Variants in XPC observed in about 807,000 individuals in gnomAD.
XPC encodes the protein XPC complex subunit, DNA damage recognition and repair factor.
In XPC, 76 loss-of-function variants were observed where a neutral mutation model predicts 95.8. The ratio of observed to expected loss-of-function variants is 0.79; its 90% CI spans 0.66 to 0.96. The LOEUF is 0.96. XPC is among the 40% of genes least tolerant of loss of function. The pLI is 0.00. For missense variants in XPC, 1,146 were observed against 1,179.8 expected, an observed-to-expected ratio of 0.97 and a Z score of 0.42; for synonymous variants, 442 against 442.1, an observed-to-expected ratio of 1.00 and a Z score of 0.00.
At position 14,159,956 on chromosome 3, in the gene XPC, G is replaced by C. The variant is rs3731123; in HGVS notation, c.901-126C>G. The C allele has an allele frequency of 0.028, 24,115 of 859,772 alleles. 1,470 individuals carry two copies. Among genetic ancestry groups the C allele is most frequent in the East Asian group, 0.21 (7,909 of 37,012 alleles). The allele number at this position is 859,772 out of a possible 1,614,324, so 53.3% of individuals were successfully genotyped here. ...CTGGAAACAGCCAGACTGTCTAACA[G>C]TAGGCGACGGAAACTCCAGACACTG... On this transcript the variant is annotated intron_variant, in intron 7 of 15. Coordinates refer to ENST00000285021, the MANE Select transcript of XPC (RefSeq NM_004628.5).
intron 2 of XPC, among the ~76,000 whole-genome samples, chr3:14,172,204 A>T (rs1696642477): frequency 6.6e-6 from 1 of 152,204 alleles, no homozygotes; most frequent in Non-Finnish European, 1.5e-5. Context: ...TGGATGCTAC[A>T]GGGCATATGA....
At chr3:14,168,218 G>C (rs749966775) in intron 4 of XPC, 39 bp downstream of exon 4, 2 of 1,578,954 alleles carry the variant, frequency 1.3e-6, no homozygotes, top group East Asian at 2.3e-5. Context: ...GTTGCCTACT[G>C]CATGTGACAG....
intron 2 of XPC, 129 bp from the exon 3 acceptor site, chr3:14,170,679 G>T (rs1281402575): frequency 4.6e-6 from 3 of 658,804 alleles, no homozygotes; most frequent in Non-Finnish European, 7.7e-6. Context: ...AAGATGATTA[G>T]TAAGCTCTGA....
intron 1 of XPC, among the ~76,000 whole-genome samples, 173 bp from the exon 2 acceptor site, chr3:14,173,235 G>A (rs1428706949): frequency 2.0e-5 from 3 of 152,054 alleles, no homozygotes; most frequent in Non-Finnish European, 4.4e-5. Context: ...TCCCACCTGC[G>A]GCTAGTCTAT....
At chr3:14,149,007 G>C in intron 11 of XPC, 59 bp from the exon 12 acceptor site, 1 of 1,602,252 alleles carries the variant, frequency 6.2e-7, no homozygotes, top group Non-Finnish European at 8.5e-7. Flanking sequence ...TCAGCACCGG[G>C]CCAGGCACCA....
intron 11 of XPC, chr3:14,151,673 G>C (rs920874661): frequency 6.6e-6 from 1 of 152,188 alleles, no homozygotes; most frequent in African/African-American, 2.4e-5. Context: ...ACTTCCGGTC[G>C]TACGGAGCTG....
rs2125004260 is a variant in XPC at position 14,145,913 on chromosome 3, G to A, written c.*28C>T. On this transcript the variant is annotated 3_prime_UTR_variant, in exon 16 of 16. Transcript: ENST00000285021. Reference sequence around the variant, plus strand: ...GCCTGTAGTGGGGCAGCAGCAACTGGTGGGTGCCCCTCTAGTGGGCGCTCA... The same window carrying A: ...GCCTGTAGTGGGGCAGCAGCAACTGATGGGTGCCCCTCTAGTGGGCGCTCA... The A allele has an allele frequency of 1.3e-6, 2 of 1,591,462 alleles. No homozygotes were observed. Among genetic ancestry groups the A allele is most frequent in the Non-Finnish European group, 1.7e-6 (2 of 1,164,902 alleles).
Position 14,147,291 on chromosome 3 carries a change from T to A in XPC, c.2603A>T (p.Lys868Met), listed in dbSNP as rs766696712. 2.5e-6 allele frequency: 4 copies of A among 1,608,650 alleles called. No individual in the cohort carries two copies. In the East Asian group the frequency reaches 8.9e-5, roughly 36 times the overall value. Residue 868 changes from lysine (K) to methionine (M), a missense_variant and splice_region_variant, in exon 15 of 16, where the codon AAG (lysine) becomes ATG (methionine). Lys to Met is a moderately conservative substitution (Grantham distance 95, BLOSUM62 -1). Transcript: ENST00000285021. ...RERLKRRYGP[K>M]SEAAAPHTDA... ...TCTCTGCAAAGAACCTGCACTGACC[T>A]TGGGCCCGTAGCGACGCTTCAGCCT...
chr3:14,150,514 T>C (rs79096163), intron 11 of XPC, among the ~76,000 whole-genome samples: 1,545 of 152,296 alleles, frequency 0.01, 24 homozygotes, highest in African/African-American at 0.036. Flanking sequence ...ACCGTCCCTT[T>C]CTGAGAAGCC....
rs372048184 is a variant in XPC, at chr3:14,156,384, C to G, written c.1984G>C (p.Glu662Gln). ...CAATACCCAAGGATGGCAGCTGTCT[C>G]GGGATAGATGGCCTCATATTTCAGG... is the stretch of plus-strand genomic sequence containing the variant. ...HLLKYEAIYP[E>Q]TAAILGYCRG... is the part of the protein sequence containing the mutation. Residue 662 changes from glutamate to glutamine, a missense_variant, in exon 10 of 16, where the codon GAG becomes CAG. Glu to Gln is a conservative substitution (Grantham distance 29). Transcript: ENST00000285021. 1.2e-6 allele frequency: 2 copies of G among 1,613,970 alleles called. No homozygotes were observed. The highest frequency in any genetic ancestry group is 1.7e-6 in the Non-Finnish European group (2 of 1,179,886).
intron 1 of XPC, among the ~76,000 whole-genome samples, chr3:14,176,903 C>T (rs560896270): frequency 5.9e-5 from 9 of 152,326 alleles, no homozygotes; most frequent in African/African-American, 1.9e-4. Flanking sequence ...GAGTTTGAGA[C>T]CAGCCTGGCC....
chr3:14,148,096 A>T, intron 13 of XPC, 95 bp from the exon 14 acceptor site: 1 of 1,058,334 alleles, frequency 9.4e-7, no homozygotes, highest in Non-Finnish European at 1.4e-6. Context: ...GCCACATCTG[A>T]GCACTAGGGG....
chr3:14,154,341 C>T (rs1247004224), intron 10 of XPC, among the ~76,000 whole-genome samples: 3 of 152,186 alleles, frequency 2.0e-5, no homozygotes, highest in Non-Finnish European at 4.4e-5. Context: ...GAAGAGCTAT[C>T]TGCACACCCA....
intron 14 of XPC, 176 bp from the exon 15 acceptor site, chr3:14,147,555 A>G (rs1695490751): frequency 1.5e-6 from 1 of 667,238 alleles, no homozygotes; most frequent in Non-Finnish European, 2.5e-6. Flanking sequence ...GTGATATACT[A>G]TACCTGAAAG....
intron 1 of XPC, among the ~76,000 whole-genome samples, chr3:14,176,283 A>C (rs1042180923): frequency 6.6e-6 from 1 of 152,220 alleles, no homozygotes; most frequent in Non-Finnish European, 1.5e-5. Flanking sequence ...TTACATTCTG[A>C]CTAGAATACC....
rs775128799 is a variant in XPC, at chr3:14,165,570, G to C, written c.637C>G (p.Leu213Val). ...EDTHKVHLLC[L>V]LANGFYRNNI... ...TTTCGATAGAAGCCATTTGCTAGCA[G>C]GCAGAGAAGGTGAACCTGTGAAGAG... Residue 213 changes from leucine (L) to valine (V), a missense_variant, in exon 6 of 16, where the codon CTG becomes GTG. Leu to Val is a conservative substitution (Grantham distance 32, BLOSUM62 1). Coordinates refer to ENST00000285021, the MANE Select transcript of XPC (RefSeq NM_004628.5). 5 of 1,613,382 alleles carry C rather than the reference G, an allele frequency of 3.1e-6. No individual in the cohort carries two copies. In the South Asian group the frequency reaches 4.4e-5, roughly 14 times the overall value.
intron 5 of XPC, 65 bp downstream of exon 5, chr3:14,167,104 C>A (rs902460593): frequency 3.5e-6 from 5 of 1,408,470 alleles, no homozygotes; most frequent in Non-Finnish European, 4.8e-6. Context: ...GAAATAAAGC[C>A]TCGGTGAGCA....
chr3:14,164,686 CA>C (rs1696300268), intron 7 of XPC, 126 bp downstream of exon 7: 1 of 955,160 alleles, frequency 1.0e-6, no homozygotes, highest in African/African-American at 1.7e-5. Context: ...CAGCAGCTAT[CA>C]ACGTCATTAT....
chr3:14,176,011 T>TAA (rs763886797), intron 1 of XPC, among the ~76,000 whole-genome samples: 9 of 152,192 alleles, frequency 5.9e-5, no homozygotes, highest in African/African-American at 9.7e-5. Context: ...CTAATTTACC[T>TAA]AACATGGGTA....
Sources: allele counts gnomAD v4.1 joint callset (sites outside exome capture counted in the v4.1 genomes callset), GRCh38; gene constraint gnomAD v4.1.1; transcripts MANE v1.5; gene names NCBI Gene and HGNC (gene_info 2026-07-23, HGNC 2026-07-21).